The following GMEB1 variants were observed in gnomAD, a reference collection of about 807,000 sequenced individuals.
The protein encoded by GMEB1 is glucocorticoid modulatory element binding protein 1, also known as glucocorticoid modulatory element-binding protein 1.
GMEB1 carries 6 observed loss-of-function variants against 52.4 expected under a neutral mutation model. The ratio of observed to expected loss-of-function variants is 0.11; its 90% CI spans 0.06 to 0.23. The LOEUF is 0.23. GMEB1 is among the 10% of genes least tolerant of loss of function. The pLI is 1.00. For synonymous variants in GMEB1, 255 were observed against 244.9 expected (o/e 1.04, Z -0.38); for missense variants, 486 against 685.6 (o/e 0.71, Z 3.25).
intron 3 of GMEB1, among the ~76,000 whole-genome samples, chr1:28,690,539 A>G (rs968079920): frequency 7.9e-5 from 12 of 152,144 alleles, no homozygotes; most frequent in Non-Finnish European, 1.8e-4. Flanking sequence ...CAGTCAGTGG[A>G]AAGAAACTGG....
At chr1:28,707,269 A>G (rs915795081) in intron 8 of GMEB1, among the ~76,000 whole-genome samples, 1 of 152,058 alleles carries the variant, frequency 6.6e-6, no homozygotes, top group Non-Finnish European at 1.5e-5. Context: ...GGCGCGAGCC[A>G]CTGTGCCTGT....
Position 28,710,610 on chromosome 1 carries a change from A to G in GMEB1, c.959A>G (p.Gln320Arg). ...VLDNRRNQVE[Q>R]GEEQFLYTLT... Reference sequence around the variant, plus strand: ...GACAACAGAAGGAACCAAGTAGAGCAGGGAGAAGAACAGTTTCTCTATACT... The same window carrying G: ...GACAACAGAAGGAACCAAGTAGAGCGGGGAGAAGAACAGTTTCTCTATACT... Residue 320 changes from glutamine to arginine, a missense_variant, in exon 9 of 10, where the codon CAG becomes CGG. By Grantham distance (43) the Gln-to-Arg change is conservative (BLOSUM62 1). This residue lies in a region of GMEB1 where 200 missense variants were observed against 253.5 expected (regional missense o/e 0.79). Coordinates refer to ENST00000373816, the MANE Select transcript of GMEB1 (RefSeq NM_001319674.2). 1 of 1,607,280 alleles carries G rather than the reference A, an allele frequency of 6.2e-7. No homozygotes were observed. Among genetic ancestry groups the G allele is most frequent in the Non-Finnish European group, 8.5e-7 (1 of 1,176,438 alleles).
At chr1:28,681,724 C>T (rs192945559) in intron 1 of GMEB1, among the ~76,000 whole-genome samples, 12 of 151,908 alleles carry the variant, frequency 7.9e-5, no homozygotes, top group East Asian at 3.9e-4. Context: ...TTCTTTGAGA[C>T]GGAGTTTCGC....
intron 4 of GMEB1, among the ~76,000 whole-genome samples, 167 bp downstream of exon 4, chr1:28,691,876 C>T (rs1055745955): frequency 6.6e-6 from 1 of 150,828 alleles, no homozygotes; most frequent in African/African-American, 2.4e-5. Context: ...TAATGTGTCA[C>T]AATAGAAAAA....
At chr1:28,703,585 GGGAGGT>G (rs1670612493) in intron 7 of GMEB1, among the ~76,000 whole-genome samples, 1 of 152,076 alleles carries the variant, frequency 6.6e-6, no homozygotes, top group East Asian at 1.9e-4. Context: ...ACTTGAACCT[GGGAGGT>G]GGAGGTTGCA....
chr1:28,703,119 A>T (rs139628364), intron 7 of GMEB1, among the ~76,000 whole-genome samples: 1 of 152,296 alleles, frequency 6.6e-6, no homozygotes, highest in African/African-American at 2.4e-5. Context: ...TAGCTGTTTG[A>T]CTATGTAGTC....
At position 28,696,983 on chromosome 1, in the gene GMEB1, A is replaced by G; in HGVS notation, c.497A>G (p.Asn166Ser). 1 of 1,610,894 alleles carries G rather than the reference A, an allele frequency of 6.2e-7. No individual in the cohort carries two copies. Among genetic ancestry groups the G allele is most frequent in the Non-Finnish European group, 8.5e-7 (1 of 1,178,328 alleles). ...TACCAACATGACAAAGTTTGCTCCA[A>G]TACCTGCAGAAGCACCAAATTTGAT... ...DFYQHDKVCS[N>S]TCRSTKFDLL... Residue 166 changes from asparagine (N) to serine (S), a missense_variant, in exon 6 of 10, where the codon AAT (asparagine) becomes AGT (serine). Asn to Ser is a conservative substitution (Grantham distance 46, BLOSUM62 1). This residue lies in a region of GMEB1 where 43 missense variants were observed against 117.5 expected (regional missense o/e 0.37). Coordinates refer to ENST00000373816, the MANE Select transcript of GMEB1 (RefSeq NM_001319674.2).
intron 6 of GMEB1, among the ~76,000 whole-genome samples, chr1:28,701,527 C>T (rs1213463221): frequency 6.6e-6 from 1 of 152,074 alleles, no homozygotes; most frequent in Non-Finnish European, 1.5e-5. Flanking sequence ...CTCGGCCTCC[C>T]AAAGTGCTGG....
chr1:28,677,648 C>A (rs1284732142), intron 1 of GMEB1, among the ~76,000 whole-genome samples: 1 of 152,092 alleles, frequency 6.6e-6, no homozygotes, highest in African/African-American at 2.4e-5. Flanking sequence ...TTAGCTGATT[C>A]TTTTAATTCC....
intron 6 of GMEB1, 78 bp downstream of exon 6, chr1:28,697,162 C>CACATATATATATAT (rs1553137926): frequency 6.9e-6 from 1 of 145,494 alleles, no homozygotes; most frequent in South Asian, 1.3e-4. Flanking sequence ...CTTGTGTGTA[C>CACATATATATATAT]ATATATATAT....
intron 1 of GMEB1, among the ~76,000 whole-genome samples, chr1:28,677,745 TC>T (rs1421619044): frequency 6.6e-6 from 1 of 152,192 alleles, no homozygotes; most frequent in Non-Finnish European, 1.5e-5. Context: ...TTTATCACAT[TC>T]CTTTTTGGCC....
intron 6 of GMEB1, 72 bp from the exon 7 acceptor site, chr1:28,702,366 A>G (rs1670555729): frequency 2.5e-6 from 3 of 1,192,644 alleles, no homozygotes; most frequent in Non-Finnish European, 3.6e-6. Context: ...GTAGCTATTG[A>G]GTATGAGATA....
At position 28,687,377 on chromosome 1, in the gene GMEB1, C is replaced by CAAAAAAAAA. The variant is rs1260455703; in HGVS notation, c.129-2726_129-2725insAAAAAAAAA. Reference sequence around the variant, plus strand: ...ACACACACACACACACACACACACACACACACACACAAAAAAAGACAGTGG... The same window carrying CAAAAAAAAA: ...ACACACACACACACACACACACACACAAAAAAAAAACACACACACAAAAAAAGACAGTGG... On this transcript the variant is annotated intron_variant, in intron 2 of 9. Transcript: ENST00000373816. Among the ~76,000 whole-genome samples, 19 of 14,788 alleles carry CAAAAAAAAA rather than the reference C, an allele frequency of 1.3e-3. 2 individuals carry two copies. The highest frequency in any genetic ancestry group is 3.3e-3 in the African/African-American group (17 of 5,154). 9.7% of individuals were successfully genotyped at this position (14,788 alleles called of 152,430 possible). A position where few individuals can be genotyped will look rare whatever the true frequency, so the allele number is the denominator to read the frequency against.
At chr1:28,700,841 A>C (rs1670468900) in intron 6 of GMEB1, among the ~76,000 whole-genome samples, 2 of 152,210 alleles carry the variant, frequency 1.3e-5, no homozygotes, top group Non-Finnish European at 2.9e-5. Context: ...TTCACTTGAA[A>C]AGTGAAAAAT....
chr1:28,672,197 T>TTTTTTTTA (rs1553134141), intron 1 of GMEB1, among the ~76,000 whole-genome samples: 3 of 136,038 alleles, frequency 2.2e-5, no homozygotes, highest in South Asian at 4.7e-4. Flanking sequence ...TAACTTTTAT[T>TTTTTTTTA]TTTATTTATT....
chr1:28,672,244 G>A (rs1370048361), intron 1 of GMEB1, among the ~76,000 whole-genome samples: 2 of 122,360 alleles, frequency 1.6e-5, no homozygotes, highest in African/African-American at 3.3e-5. Flanking sequence ...TTTTTGAGAC[G>A]GAGTCTCACT....
At chr1:28,695,090 G>A (rs959532834) in intron 5 of GMEB1, among the ~76,000 whole-genome samples, 10 of 148,370 alleles carry the variant, frequency 6.7e-5, no homozygotes, top group African/African-American at 2.5e-4. Flanking sequence ...TCAGCCTCCT[G>A]ATTAGCTGAG....
chr1:28,698,376 TAA>T (rs879350824), intron 6 of GMEB1, among the ~76,000 whole-genome samples: 8 of 137,004 alleles, frequency 5.8e-5, no homozygotes, highest in Non-Finnish European at 4.8e-5. Flanking sequence ...GACTCCGTCT[TAA>T]AAAAAAAAAA....
At chr1:28,703,992 A>G (rs148923428) in intron 7 of GMEB1, among the ~76,000 whole-genome samples, 200 bp from the exon 8 acceptor site, 4 of 152,222 alleles carry the variant, frequency 2.6e-5, no homozygotes, top group East Asian at 3.9e-4. Context: ...CCAAGCACCT[A>G]TGCTGCTGAA....
Sources: gnomAD v4.1 joint callset for allele counts (sites outside exome capture counted in the v4.1 genomes callset) on GRCh38, gnomAD v4.1.1 for gene constraint, gnomAD v4.1.1 regional missense constraint, MANE v1.5 for transcripts, NCBI Gene and HGNC (gene_info 2026-07-23, HGNC 2026-07-21) for gene names.